The following PRTG variants were observed in gnomAD, a reference collection of about 807,000 sequenced individuals.
PRTG encodes immunoglobulin superfamily, DCC subclass, member 5.
In PRTG, 67 loss-of-function variants were observed where a neutral mutation model predicts 122.5. The ratio of observed to expected loss-of-function variants is 0.55; its 90% confidence interval spans 0.45 to 0.67. PRTG has a LOEUF of 0.67. Among genes scored for constraint, PRTG ranks in the 30% least tolerant of loss-of-function variants. The pLI, the probability that PRTG is intolerant of heterozygous loss-of-function variation, is 0.00. For missense variants in PRTG, 1,435 were observed against 1,415.4 expected (o/e 1.01, Z -0.22); for synonymous variants, 554 against 501.1 (o/e 1.11, Z -1.41).
At chr15:55,720,632 T>A (rs1007106198) in intron 2 of PRTG, among the ~76,000 whole-genome samples, 4 of 152,248 alleles carry the variant, frequency 2.6e-5, no homozygotes. Context: ...TGGGCCCCCA[T>A]GCTGCTTGCT....
At chr15:55,624,246 T>G (rs1373578796) in intron 18 of PRTG, 96 bp downstream of exon 18, 1 of 1,046,324 alleles carries the variant, frequency 9.6e-7, no homozygotes, top group African/African-American at 1.6e-5. Context: ...ATTGGTATAA[T>G]ACATTCAACA....
chr15:55,641,305 C>A, intron 11 of PRTG, 97 bp from the exon 12 acceptor site: 1 of 764,900 alleles, frequency 1.3e-6, no homozygotes, highest in African/African-American at 1.7e-5. Flanking sequence ...TAAAAACCTG[C>A]TGAATGCATA....
At chr15:55,690,797 T>C (rs1048638493) in intron 2 of PRTG, among the ~76,000 whole-genome samples, 2 of 152,204 alleles carry the variant, frequency 1.3e-5, no homozygotes, top group Non-Finnish European at 2.9e-5. Context: ...TTATTGCCAG[T>C]GCTGCATTGA....
chr15:55,649,761 C>T (rs1048371785), intron 11 of PRTG, among the ~76,000 whole-genome samples: 3 of 151,506 alleles, frequency 2.0e-5, no homozygotes, highest in African/African-American at 4.9e-5. Context: ...CACTGCACTC[C>T]GGCCTGGGAG....
Position 55,628,902 on chromosome 15 carries a change from G to T in PRTG, c.2726C>A (p.Ser909Tyr), listed in dbSNP as rs752299489. Residue 909 changes from serine to tyrosine, a missense_variant, in exon 16 of 20, where the codon TCT becomes TAT. Coordinates refer to ENST00000389286, the MANE Select transcript of PRTG (RefSeq NM_173814.6). ...NEVGEGPFSN[S>Y]VELAVLPKET... ...CTTTGGAAGTACTGCCAGCTCCACA[G>T]AATTTGAAAAGGGTCCTTCTCCCAC... is the stretch of plus-strand genomic sequence containing the variant. 2.5e-6 allele frequency: 4 copies of T among 1,614,030 alleles called. No individual in the cohort carries two copies. The highest frequency in any genetic ancestry group is 2.5e-6 in the Non-Finnish European group (3 of 1,179,948).
In PRTG at chr15:55,679,291, G is replaced by T. The variant is rs773314025; in HGVS notation, c.1128C>A (p.Tyr376Ter). 1 of 1,609,198 alleles carries T rather than the reference G, an allele frequency of 6.2e-7. No homozygotes were observed. Among genetic ancestry groups the T allele is most frequent in the South Asian group, 1.1e-5 (1 of 90,874 alleles). The stretch of plus-strand genomic sequence containing the variant: ...AGCAAAGTTACACAGCCTACCTGTT[G>T]TACATTTTAATTCTACCATTCGAAT... ...KIHSNGRIKM[Y>*]NSKLVINQII... The change falls in exon 7 of 20, where the codon TAC becomes TAA. Residue 376 changes from tyrosine (Y) to a stop codon, truncating the protein, a stop_gained. Transcript: ENST00000389286. LOFTEE classifies it high-confidence loss of function.
chr15:55,730,521 C>T (rs1333079508), intron 2 of PRTG, among the ~76,000 whole-genome samples: 2 of 152,152 alleles, frequency 1.3e-5, no homozygotes, highest in Non-Finnish European at 2.9e-5. Flanking sequence ...TGACTATAGG[C>T]TAGATGCAGT....
chr15:55,619,500 C>T lies in PRTG; in HGVS notation c.*512G>A, dbSNP rs566208983. The T allele has an allele frequency of 6.2e-6, 1 of 162,104 alleles. No homozygotes were observed. The highest frequency in any genetic ancestry group is 1.8e-4 in the South Asian group (1 of 5,694). The allele number at this position is 162,104 out of a possible 1,614,324, so 10.0% of individuals were successfully genotyped here. ...CACGTACAGCAATGAAAACACAATA[C>T]TACTAGGAAGTATCATTGGTTATGT... On this transcript the variant is annotated 3_prime_UTR_variant, in exon 20 of 20. Coordinates refer to ENST00000389286, the MANE Select transcript of PRTG (RefSeq NM_173814.6).
At position 55,680,604 on chromosome 15, in the gene PRTG, G is replaced by A. The variant is rs775838790; in HGVS notation, c.701C>T (p.Thr234Ile). Residue 234 changes from threonine (T) to isoleucine (I), a missense_variant, in exon 5 of 20, where the codon ACA becomes ATA. Thr to Ile is a moderately conservative substitution (Grantham distance 89, BLOSUM62 -1). Transcript: ENST00000389286. The part of the protein sequence containing the change: ...IPAKESKSFH[T>I]PTIIAGPQNI... ...CTGTGGACCTGCTATAATTGTTGGT[G>A]TGTGGAAGGATTTTGACTCCTTAGC... The A allele has an allele frequency of 9.0e-6, 14 of 1,557,852 alleles. No homozygotes were observed. Among genetic ancestry groups the A allele is most frequent in the Admixed American group, 1.7e-5 (1 of 57,388 alleles).
At position 55,612,959 on chromosome 15, in the gene PRTG, G is replaced by C. The variant is rs2059127434; in HGVS notation, c.*7053C>G. On this transcript the variant is annotated 3_prime_UTR_variant, in exon 20 of 20. Coordinates refer to ENST00000389286, the MANE Select transcript of PRTG (RefSeq NM_173814.6). The stretch of plus-strand genomic sequence containing the variant: ...ACAAAGGCAAAATATAATTGCAAAG[G>C]CTGACTTGAAAAGAAAGAGTCTGTA... The C allele has an allele frequency of 6.6e-6, 1 of 151,662 alleles. No individual in the cohort carries two copies. The allele number at this position is 151,662 out of a possible 1,614,324, so 9.4% of individuals were successfully genotyped here. A position where few individuals can be genotyped will look rare whatever the true frequency, so the allele number is the denominator to read the frequency against.
intron 18 of PRTG, among the ~76,000 whole-genome samples, chr15:55,623,943 G>A (rs995455719): frequency 6.6e-6 from 1 of 152,090 alleles, no homozygotes; most frequent in Non-Finnish European, 1.5e-5. Context: ...TCAACAATCA[G>A]CCAAACTAAG....
chr15:55,631,896 C>T (rs1177510216), intron 15 of PRTG, among the ~76,000 whole-genome samples: 2 of 152,170 alleles, frequency 1.3e-5, no homozygotes, highest in Admixed American at 6.5e-5. Flanking sequence ...CCTCCGACTC[C>T]TCTTCTTCCT....
chr15:55,686,487 TATTCA>T (rs1384934499), intron 2 of PRTG, among the ~76,000 whole-genome samples: 1 of 152,196 alleles, frequency 6.6e-6, no homozygotes, highest in Non-Finnish European at 1.5e-5. Flanking sequence ...ATGAATTAAG[TATTCA>T]ATTCAAGATG....
At chr15:55,620,361 T>G in intron 19 of PRTG, 95 bp from the exon 20 acceptor site, 1 of 1,537,894 alleles carries the variant, frequency 6.5e-7, no homozygotes, top group South Asian at 1.3e-5. Context: ...TGGGAGCACA[T>G]CAGAATTACC....
intron 17 of PRTG, 133 bp from the exon 18 acceptor site, chr15:55,624,640 C>G (rs1045534160): frequency 3.2e-6 from 2 of 621,196 alleles, no homozygotes; most frequent in African/African-American, 1.9e-5. Context: ...TTTTTAGAAT[C>G]GAGTGTTAGA....
At position 55,707,277 on chromosome 15, in the gene PRTG, C is replaced by T. The variant is rs79795040; in HGVS notation, c.398-23346G>A. On this transcript the variant is annotated intron_variant, in intron 2 of 19. Coordinates refer to ENST00000389286, the MANE Select transcript of PRTG (RefSeq NM_173814.6). The stretch of plus-strand genomic sequence containing the variant: ...AGAACATTTAAGGTTATCTCAAACA[C>T]CAAGAATGTACCTTCTATAGGACAA... Among the ~76,000 whole-genome samples the T allele has an allele frequency of 3.9e-4, 60 of 152,198 alleles. 2 individuals are homozygous for T. In the East Asian group the frequency reaches 0.011, roughly 29 times the overall value.
chr15:55,691,537 C>G (rs1436493599), intron 2 of PRTG, among the ~76,000 whole-genome samples: 1 of 149,546 alleles, frequency 6.7e-6, no homozygotes, highest in Non-Finnish European at 1.5e-5. Flanking sequence ...AAAAATTAGC[C>G]GGGCATGGTG....
intron 2 of PRTG, among the ~76,000 whole-genome samples, chr15:55,737,972 C>A (rs2031465713): frequency 1.5e-5 from 2 of 129,312 alleles, no homozygotes; most frequent in Non-Finnish European, 3.2e-5. Flanking sequence ...CCACTTAATG[C>A]CTATTCTCTC....
At chr15:55,697,150 C>A (rs2059636439) in intron 2 of PRTG, among the ~76,000 whole-genome samples, 1 of 152,216 alleles carries the variant, frequency 6.6e-6, no homozygotes, top group African/African-American at 2.4e-5. Flanking sequence ...CAAAACTGTT[C>A]AAGTTCCTCC....
Sources: gnomAD v4.1 joint callset for allele counts (sites outside exome capture counted in the v4.1 genomes callset) on GRCh38, gnomAD v4.1.1 for gene constraint, MANE v1.5 for transcripts, NCBI Gene and HGNC (gene_info 2026-07-23, HGNC 2026-07-21) for gene names.